The following SLC9C1 variants were observed in gnomAD, a reference collection of about 807,000 sequenced individuals.
SLC9C1 encodes the protein solute carrier family 9 member C1.
A neutral mutation model predicts 140.9 loss-of-function variants in SLC9C1; 97 were observed. That is an observed-to-expected ratio of 0.69 (90% confidence interval 0.58 to 0.82). The LOEUF is 0.82. Ranked by LOEUF, SLC9C1 falls within the 40% of genes least tolerant of loss-of-function variation. The pLI is 0.00. For synonymous variants in SLC9C1, 440 were observed against 442.6 expected (o/e 0.99, Z 0.07); for missense variants, 1,340 against 1,389.3 (o/e 0.96, Z 0.56).
At chr3:112,150,803 TATATATAAATACATATAC>T (rs1209590009) in intron 28 of SLC9C1, among the ~76,000 whole-genome samples, 5 of 48,424 alleles carry the variant, frequency 1.0e-4, no homozygotes, top group African/African-American at 8.3e-5. Flanking sequence ...CATATATATA[TATATATAAATACATATAC>T]ATATATATAT....
Position 112,167,341 on chromosome 3 carries a change from T to C in SLC9C1, c.3244A>G (p.Ser1082Gly). ...LIPITCHQIQ[S>G]IEDFTKVVII... ...ACTACTTTTGTGAAATCTTCAATAC[T>C]TTGTATCTGAAAGTTGACAGAATGC... The change falls in exon 26 of 29, where the codon AGT becomes GGT. Residue 1082 changes from serine to glycine, a missense_variant. By Grantham distance (56) the Ser-to-Gly change is moderately conservative. Coordinates refer to ENST00000305815, the MANE Select transcript of SLC9C1 (RefSeq NM_183061.3). 6.3e-7 allele frequency: 1 copy of C among 1,586,520 alleles called. No individual in the cohort carries two copies. The highest frequency in any genetic ancestry group is 8.6e-7 in the Non-Finnish European group (1 of 1,168,870).
At chr3:112,243,903 G>T in intron 11 of SLC9C1, 92 bp downstream of exon 11, 1 of 885,716 alleles carries the variant, frequency 1.1e-6, no homozygotes, top group Non-Finnish European at 1.7e-6. Context: ...TGTTGCCTAG[G>T]CTGTATATGG....
chr3:112,179,214 T>C (rs2077394065), intron 23 of SLC9C1, among the ~76,000 whole-genome samples: 1 of 152,164 alleles, frequency 6.6e-6, no homozygotes, highest in African/African-American at 2.4e-5. Context: ...AGCCCTGTCT[T>C]TATCCCCTTT....
intron 20 of SLC9C1, among the ~76,000 whole-genome samples, chr3:112,190,964 CAT>C (rs796600459): frequency 0.02 from 1,819 of 89,082 alleles, 16 homozygotes; most frequent in Middle Eastern, 0.11. Flanking sequence ...CACACACACA[CAT>C]ATATATATAT....
rs1429644168 is a variant in SLC9C1 at position 112,195,973 on chromosome 3, T to C, written c.2523+3348A>G. Among the ~76,000 whole-genome samples, 6 of 152,154 alleles carry C rather than the reference T, an allele frequency of 3.9e-5. No individual in the cohort carries two copies. In the East Asian group the frequency reaches 1.2e-3, roughly 29 times the overall value. ...TAATACTAGCTTTTATAATTCCCTA[T>C]GTATTTACCTTTACTGAGTCTTATT... is the stretch of plus-strand genomic sequence containing the variant. On this transcript the variant is annotated intron_variant, in intron 20 of 28. Transcript: ENST00000305815.
chr3:112,222,529 C>G (rs2078569780), intron 13 of SLC9C1, among the ~76,000 whole-genome samples: 1 of 152,082 alleles, frequency 6.6e-6, no homozygotes, highest in South Asian at 2.1e-4. Context: ...ATGGAGTATA[C>G]ACTGCAGAAA....
intron 20 of SLC9C1, among the ~76,000 whole-genome samples, chr3:112,182,679 A>G (rs1169259121): frequency 6.6e-6 from 1 of 152,198 alleles, no homozygotes; most frequent in Non-Finnish European, 1.5e-5. Flanking sequence ...TGTTCACTCA[A>G]AGAATATTAC....
chr3:112,202,196 G>T, intron 18 of SLC9C1, 54 bp downstream of exon 18: 1 of 1,585,218 alleles, frequency 6.3e-7, no homozygotes, highest in East Asian at 2.2e-5. Context: ...AATGATGGAT[G>T]AGGGCAACTG....
At chr3:112,233,880 T>G (rs1321550776) in intron 12 of SLC9C1, among the ~76,000 whole-genome samples, 1 of 152,196 alleles carries the variant, frequency 6.6e-6, no homozygotes, top group Non-Finnish European at 1.5e-5. Flanking sequence ...CAGTCTATCA[T>G]TGTTGGACAT....
At chr3:112,194,803 CTT>C (rs1049366711) in intron 20 of SLC9C1, among the ~76,000 whole-genome samples, 6 of 140,836 alleles carry the variant, frequency 4.3e-5, no homozygotes, top group African/African-American at 2.6e-5. Context: ...ATGATATTTT[CTT>C]TTTTTTTTTT....
At chr3:112,279,323 G>A (rs2080299113) in intron 3 of SLC9C1, among the ~76,000 whole-genome samples, 1 of 152,114 alleles carries the variant, frequency 6.6e-6, no homozygotes, top group Admixed American at 6.6e-5. Flanking sequence ...ATGAATGTTG[G>A]TATGGCTTAG....
At position 112,260,513 on chromosome 3, in the gene SLC9C1, T is replaced by C. The variant is rs184313783; in HGVS notation, c.1197+2411A>G. ...TAGTAATATTAGATTTTAGGCTACA[T>C]ATTGTGGATGTCACATTCTTGAGAG... On this transcript the variant is annotated intron_variant, in intron 10 of 28. Transcript: ENST00000305815. Among the ~76,000 whole-genome samples the C allele has an allele frequency of 3.0e-4, 45 of 152,224 alleles. No individual in the cohort carries two copies. The East Asian group carries it at 7.9e-3, about 27-fold the overall frequency.
At chr3:112,290,232 A>G (rs2080638682) in intron 1 of SLC9C1, among the ~76,000 whole-genome samples, 1 of 152,240 alleles carries the variant, frequency 6.6e-6, no homozygotes, top group South Asian at 2.1e-4. Context: ...ACAGTTACAC[A>G]TTCCTACATG....
intron 25 of SLC9C1, among the ~76,000 whole-genome samples, chr3:112,167,753 A>G (rs1021671792): frequency 6.6e-6 from 1 of 152,112 alleles, no homozygotes; most frequent in African/African-American, 2.4e-5. Context: ...GTTGTTTTCA[A>G]TATAGTTTGA....
At chr3:112,191,948 A>T (rs921694915) in intron 20 of SLC9C1, among the ~76,000 whole-genome samples, 1 of 151,826 alleles carries the variant, frequency 6.6e-6, no homozygotes, top group Admixed American at 6.6e-5. Context: ...ATTGGACTCA[A>T]CTCTATTTCC....
chr3:112,274,825 A>G, intron 6 of SLC9C1, 72 bp downstream of exon 6: 1 of 1,320,756 alleles, frequency 7.6e-7, no homozygotes, highest in Non-Finnish European at 1.0e-6. Flanking sequence ...GTAGGATATT[A>G]CAAAATACAC....
At chr3:112,250,040 T>C (rs2079406207) in intron 10 of SLC9C1, among the ~76,000 whole-genome samples, 1 of 151,708 alleles carries the variant, frequency 6.6e-6, no homozygotes, top group African/African-American at 2.4e-5. Context: ...ATTAGGTATA[T>C]CTCCTAATGC....
intron 4 of SLC9C1, 30 bp downstream of exon 4, chr3:112,278,699 T>A: frequency 6.4e-7 from 1 of 1,574,156 alleles, no homozygotes; most frequent in Non-Finnish European, 8.6e-7. Flanking sequence ...GGTTCATGAA[T>A]GAATGATATT....
intron 26 of SLC9C1, among the ~76,000 whole-genome samples, chr3:112,159,137 A>G (rs989927407): frequency 6.6e-6 from 1 of 151,450 alleles, no homozygotes; most frequent in South Asian, 2.1e-4. Flanking sequence ...ATTTATTGCT[A>G]TAGACTTCCC....
Sources: allele counts gnomAD v4.1 joint callset (sites outside exome capture counted in the v4.1 genomes callset), GRCh38; gene constraint gnomAD v4.1.1; transcripts MANE v1.5; gene names NCBI Gene and HGNC (gene_info 2026-07-23, HGNC 2026-07-21).